The following PRKD1 variants were observed in gnomAD, a reference collection of about 807,000 sequenced individuals.
PRKD1 encodes protein kinase D1.
PRKD1 carries 63 observed loss-of-function variants against 95.9 expected under a neutral mutation model. The ratio of observed to expected loss-of-function variants is 0.66; its 90% CI spans 0.54 to 0.81. The LOEUF is 0.81. PRKD1 is among the 30% of genes least tolerant of loss of function. PRKD1 has a pLI of 0.00. For missense variants in PRKD1, 1,048 were observed against 1,165.3 expected, an observed-to-expected ratio of 0.90 and a Z score of 1.47; for synonymous variants, 425 against 423.1, an observed-to-expected ratio of 1.00 and a Z score of -0.05.
intron 4 of PRKD1, among the ~76,000 whole-genome samples, chr14:29,653,211 C>T (rs539889755): frequency 2.8e-4 from 43 of 152,052 alleles, no homozygotes; most frequent in Non-Finnish European, 5.4e-4. Flanking sequence ...GTCCGGATTG[C>T]ATAAAATTAA....
At chr14:29,905,462 A>C (rs1594617480) in intron 1 of PRKD1, among the ~76,000 whole-genome samples, 1 of 152,110 alleles carries the variant, frequency 6.6e-6, no homozygotes, top group African/African-American at 2.4e-5. Context: ...TGATAACTTT[A>C]AATAACCATT....
At chr14:29,850,446 C>T (rs1208253793) in intron 1 of PRKD1, among the ~76,000 whole-genome samples, 1 of 142,528 alleles carries the variant, frequency 7.0e-6, no homozygotes, top group African/African-American at 2.9e-5. Context: ...AAAGCAACCC[C>T]ATTCAAAACA....
At chr14:29,597,899 C>G (rs564618126) in intron 15 of PRKD1, 141 bp from the exon 16 acceptor site, 110 of 913,336 alleles carry the variant, frequency 1.2e-4, no homozygotes, top group South Asian at 2.1e-4. Context: ...AAAGTAATAG[C>G]TATTTTCCAT....
intron 1 of PRKD1, among the ~76,000 whole-genome samples, chr14:29,795,720 T>C (rs769835868): frequency 2.0e-5 from 3 of 152,134 alleles, no homozygotes; most frequent in African/African-American, 2.4e-5. Flanking sequence ...AAAACAATCA[T>C]GTAAGACTTA....
At chr14:29,712,878 C>A (rs1175041644) in intron 2 of PRKD1, among the ~76,000 whole-genome samples, 1 of 152,068 alleles carries the variant, frequency 6.6e-6, no homozygotes, top group Non-Finnish European at 1.5e-5. Flanking sequence ...TGCTATGCGC[C>A]ACCAATCATG....
chr14:29,646,215 G>A (rs965733186), intron 4 of PRKD1, among the ~76,000 whole-genome samples: 3 of 152,062 alleles, frequency 2.0e-5, no homozygotes, highest in Non-Finnish European at 4.4e-5. Flanking sequence ...GCTATGTTGT[G>A]CATTATTAGT....
chr14:29,911,778 G>A (rs149418591), intron 1 of PRKD1, among the ~76,000 whole-genome samples: 67 of 152,302 alleles, frequency 4.4e-4, no homozygotes, highest in African/African-American at 1.6e-3. Flanking sequence ...TCGGAGATCA[G>A]AAGTCCAAAC....
Position 29,611,325 on chromosome 14 carries a change from T to C in PRKD1, c.1906-11508A>G, listed in dbSNP as rs115449701. Among the ~76,000 whole-genome samples the C allele has an allele frequency of 6.4e-3, 972 of 152,306 alleles. 22 individuals carry two copies. Among genetic ancestry groups the C allele is most frequent in the African/African-American group, 0.022 (903 of 41,560 alleles). The stretch of plus-strand genomic sequence containing the variant: ...AAAATTGCTCTAAAAATAAAGTCTT[T>C]TAAAATATCTCTTTAAATAAAACAA... On this transcript the variant is annotated intron_variant, in intron 13 of 17. Transcript: ENST00000331968.
chr14:29,578,444 T>C (rs1892640150), intron 16 of PRKD1, 84 bp from the exon 17 acceptor site: 15 of 1,031,690 alleles, frequency 1.5e-5, no homozygotes, highest in Non-Finnish European at 2.1e-5. Flanking sequence ...ATCTGCTATT[T>C]CACACAGTTA....
intron 1 of PRKD1, among the ~76,000 whole-genome samples, chr14:29,745,071 G>A (rs1206409601): frequency 2.0e-5 from 3 of 152,038 alleles, no homozygotes; most frequent in South Asian, 2.1e-4. Context: ...CCACCACCCC[G>A]GGATTGCAAT....
At chr14:29,742,959 C>A (rs1417129085) in intron 1 of PRKD1, among the ~76,000 whole-genome samples, 1 of 152,118 alleles carries the variant, frequency 6.6e-6, no homozygotes, top group East Asian at 1.9e-4. Context: ...GCCTAAAATT[C>A]TTGAGTTTCA....
intron 2 of PRKD1, among the ~76,000 whole-genome samples, chr14:29,694,561 A>G (rs1884409934): frequency 6.6e-6 from 1 of 152,252 alleles, no homozygotes; most frequent in South Asian, 2.1e-4. Flanking sequence ...AATAACAGAT[A>G]GAGATGTTTC....
intron 1 of PRKD1, among the ~76,000 whole-genome samples, chr14:29,899,563 C>T (rs1165379603): frequency 6.6e-6 from 1 of 152,164 alleles, no homozygotes; most frequent in Non-Finnish European, 1.5e-5. Flanking sequence ...ATGAGAATTG[C>T]TTGAACCCAG....
chr14:29,853,920 T>A (rs1466398953), intron 1 of PRKD1, among the ~76,000 whole-genome samples: 1 of 152,190 alleles, frequency 6.6e-6, no homozygotes, highest in Non-Finnish European at 1.5e-5. Flanking sequence ...CCATGTAAGA[T>A]GTAACTTGCT....
chr14:29,814,516 TTTTCCCTGCCCTG>T (rs1566615852), intron 1 of PRKD1, among the ~76,000 whole-genome samples: 12 of 152,204 alleles, frequency 7.9e-5, no homozygotes, highest in Admixed American at 6.5e-4. Flanking sequence ...GAACTGGGCT[TTTTCCCTGCCCTG>T]TCTGGGCACC....
At chr14:29,628,158 A>G (rs1879748340) in intron 11 of PRKD1, among the ~76,000 whole-genome samples, 2 of 152,220 alleles carry the variant, frequency 1.3e-5, no homozygotes, top group Admixed American at 1.3e-4. Flanking sequence ...AACCTTCACT[A>G]TGAAGTTTAA....
chr14:29,663,694 C>T lies in PRKD1; in HGVS notation c.696+5G>A. The T allele has an allele frequency of 6.2e-7, 1 of 1,613,118 alleles. No individual in the cohort carries two copies. Among genetic ancestry groups the T allele is most frequent in the South Asian group, 1.1e-5 (1 of 90,978 alleles). On this transcript the variant is annotated splice_donor_5th_base_variant and intron_variant, in intron 4 of 17. Transcript: ENST00000331968. ...ATGGGGAAGTGGGTAAACAGGAAGC[C>T]ATACCAGAAGGGGCTCATCAGGGGC...
chr14:29,705,525 C>T (rs1399835388), intron 2 of PRKD1, among the ~76,000 whole-genome samples: 1 of 151,498 alleles, frequency 6.6e-6, no homozygotes, highest in East Asian at 1.9e-4. Context: ...GTATATAGCT[C>T]AGTGGTTTTA....
intron 17 of PRKD1, among the ~76,000 whole-genome samples, 156 bp downstream of exon 17, chr14:29,578,119 G>A (rs1451637736): frequency 6.6e-6 from 1 of 151,956 alleles, no homozygotes; most frequent in Non-Finnish European, 1.5e-5. Context: ...ACACTAAATT[G>A]TTATTAAATC....
Sources: gnomAD v4.1 joint callset for allele counts (sites outside exome capture counted in the v4.1 genomes callset) on GRCh38, gnomAD v4.1.1 for gene constraint, MANE v1.5 for transcripts, NCBI Gene and HGNC (gene_info 2026-07-23, HGNC 2026-07-21) for gene names.